MYO9A: variants seen among roughly 807,000 people sequenced by gnomAD.
MYO9A encodes myosin IXA.
In MYO9A, 103 loss-of-function variants were observed where a neutral mutation model predicts 293.3. That is an observed-to-expected ratio of 0.35 (90% CI 0.30 to 0.41). The LOEUF (loss-of-function observed/expected upper bound fraction) is 0.41. Ranked by LOEUF, MYO9A falls within the 10% of genes least tolerant of loss-of-function variation. The probability of loss-of-function intolerance (pLI) is 1.00; values close to 1 mark genes in which losing one functional copy is unlikely to be tolerated. For missense variants in MYO9A, 2,685 were observed against 3,033.0 expected (o/e 0.89, Z 2.69); for synonymous variants, 1,001 against 1,035.7 (o/e 0.97, Z 0.64).
chr15:71,882,543 G>A (rs1049538395), intron 28 of MYO9A, among the ~76,000 whole-genome samples: 1 of 152,148 alleles, frequency 6.6e-6, no homozygotes, highest in African/African-American at 2.4e-5. Flanking sequence ...GGCTGAGGTG[G>A]GAGGATAGGT....
chr15:71,984,726 C>T (rs1023195559), intron 11 of MYO9A, among the ~76,000 whole-genome samples: 9 of 152,148 alleles, frequency 5.9e-5, no homozygotes, highest in Admixed American at 3.3e-4. Flanking sequence ...TGTGTCTTTT[C>T]AATTTCACAG....
intron 13 of MYO9A, among the ~76,000 whole-genome samples, chr15:71,962,678 C>T (rs986168114): frequency 2.6e-5 from 4 of 152,082 alleles, no homozygotes; most frequent in African/African-American, 7.2e-5. Flanking sequence ...TAGTCATAAG[C>T]CATAATTTAC....
At chr15:72,055,719 CAGCA>C (rs1484042606) in intron 1 of MYO9A, among the ~76,000 whole-genome samples, 19 of 152,018 alleles carry the variant, frequency 1.2e-4, no homozygotes, top group Non-Finnish European at 2.5e-4. Flanking sequence ...AAATGCTCAA[CAGCA>C]TTAATGATGA....
At chr15:71,903,144 A>C (rs1390291498) in intron 21 of MYO9A, 81 bp from the exon 22 acceptor site, 1 of 1,193,508 alleles carries the variant, frequency 8.4e-7, no homozygotes, top group African/African-American at 1.6e-5. Flanking sequence ...CATTCTATTA[A>C]TCTTTTCTCT....
chr15:71,927,288 T>C (rs1363046493), intron 18 of MYO9A, among the ~76,000 whole-genome samples: 1 of 152,254 alleles, frequency 6.6e-6, no homozygotes, highest in Non-Finnish European at 1.5e-5. Flanking sequence ...CTGCAAATAT[T>C]TTCTCCCATT....
chr15:71,984,901 T>C (rs1335907482), intron 11 of MYO9A, among the ~76,000 whole-genome samples: 2 of 152,188 alleles, frequency 1.3e-5, no homozygotes, highest in South Asian at 2.1e-4. Context: ...GTGGTATTAT[T>C]ATCTCATTTC....
At chr15:71,924,329 C>T (rs2058234832) in intron 18 of MYO9A, among the ~76,000 whole-genome samples, 1 of 152,094 alleles carries the variant, frequency 6.6e-6, no homozygotes, top group South Asian at 2.1e-4. Context: ...GCAAGCTCCA[C>T]CTCCCAGGTT....
chr15:72,031,736 T>A (rs573389594), intron 3 of MYO9A, among the ~76,000 whole-genome samples: 29 of 141,220 alleles, frequency 2.1e-4, no homozygotes, highest in Admixed American at 3.5e-4. Context: ...ATAGTCTATT[T>A]AAAAAAAAAA....
intron 15 of MYO9A, among the ~76,000 whole-genome samples, chr15:71,951,383 G>A (rs2146550827): frequency 6.6e-6 from 1 of 151,456 alleles, no homozygotes; most frequent in Middle Eastern, 3.4e-3. Context: ...TTACCAAATT[G>A]TTGTCTTTGC....
intron 35 of MYO9A, among the ~76,000 whole-genome samples, chr15:71,853,156 C>T (rs1410426094): frequency 6.6e-6 from 1 of 152,210 alleles, no homozygotes; most frequent in African/African-American, 2.4e-5. Context: ...CTGCTATAAA[C>T]GTCTCTACAT....
intron 26 of MYO9A, chr15:71,890,261 AG>A (rs2057139167): frequency 2.0e-5 from 3 of 152,214 alleles, no homozygotes; most frequent in Admixed American, 2.0e-4. Context: ...GAATATAAGA[AG>A]TGACAGCAGT....
At chr15:71,941,343 G>A (rs1244153734) in intron 15 of MYO9A, among the ~76,000 whole-genome samples, 1 of 152,122 alleles carries the variant, frequency 6.6e-6, no homozygotes, top group African/African-American at 2.4e-5. Flanking sequence ...GCTGAGGGAG[G>A]AGAATCGCTC....
At chr15:72,002,383 G>A (rs941394989) in intron 8 of MYO9A, among the ~76,000 whole-genome samples, 1 of 151,896 alleles carries the variant, frequency 6.6e-6, no homozygotes, top group African/African-American at 2.4e-5. Context: ...GAGTAGCTGG[G>A]ATTAGAGACG....
At chr15:72,056,770 G>A (rs2078731356) in intron 1 of MYO9A, among the ~76,000 whole-genome samples, 1 of 152,214 alleles carries the variant, frequency 6.6e-6, no homozygotes, top group African/African-American at 2.4e-5. Context: ...GAGGTCAGGA[G>A]TTCAAGACCA....
chr15:72,046,167 T>G lies in MYO9A; in HGVS notation c.397A>C (p.Arg133=). The change falls in exon 2 of 42, where the codon AGG becomes CGG. Residue 133 remains arginine (R), a synonymous_variant. Transcript: ENST00000356056. ...SWLRVTEERR[R]MMERGFLPQP... The stretch of plus-strand genomic sequence containing the variant: ...GGAAGAAAACCCCGTTCCATCATCC[T>G]GCGACGTTCTTCTGTTACCCGTAGC... The G allele has an allele frequency of 6.2e-7, 1 of 1,614,200 alleles. No individual in the cohort carries two copies. Among genetic ancestry groups the G allele is most frequent in the Non-Finnish European group, 8.5e-7 (1 of 1,180,026 alleles).
chr15:71,890,913 T>C (rs1377016120), intron 26 of MYO9A: 2 of 151,966 alleles, frequency 1.3e-5, no homozygotes, highest in Non-Finnish European at 2.9e-5. Flanking sequence ...GAAAATCAAA[T>C]ACATTTAAAA....
At chr15:71,951,959 C>T in intron 14 of MYO9A, 63 bp from the exon 15 acceptor site, 2 of 1,503,052 alleles carry the variant, frequency 1.3e-6, no homozygotes, top group South Asian at 2.8e-5. Context: ...TTATATAAGC[C>T]CAAACCAACA....
intron 30 of MYO9A, among the ~76,000 whole-genome samples, chr15:71,878,938 T>C (rs1253142576): frequency 2.0e-5 from 3 of 151,594 alleles, no homozygotes; most frequent in Non-Finnish European, 1.5e-5. Context: ...TGTATTTTTA[T>C]TAGAGACGGG....
At chr15:72,103,307 G>C (rs1567044080) in intron 1 of MYO9A, among the ~76,000 whole-genome samples, 1 of 139,756 alleles carries the variant, frequency 7.2e-6, no homozygotes, top group Non-Finnish European at 1.6e-5. Flanking sequence ...AGCAGAAGCA[G>C]AAGCAGCAGC....
Sources: allele counts gnomAD v4.1 joint callset (sites outside exome capture counted in the v4.1 genomes callset), GRCh38; gene constraint gnomAD v4.1.1; transcripts MANE v1.5; gene names NCBI Gene and HGNC (gene_info 2026-07-23, HGNC 2026-07-21).